The following MSR1 variants were observed in gnomAD, a reference collection of about 807,000 sequenced individuals.
The protein encoded by MSR1 is macrophage scavenger receptor 1, also known as macrophage scavenger receptor types I and II.
A neutral mutation model predicts 47.2 loss-of-function variants in MSR1; 53 were observed. The observed-to-expected ratio is 1.12, with a 90% confidence interval of 0.90 to 1.41. MSR1 has a LOEUF of 1.41. Ranked by LOEUF, MSR1 falls within the 40% of genes most tolerant of loss-of-function variation. MSR1 has a pLI of 0.00. For synonymous variants in MSR1, 239 were observed against 185.6 expected, an observed-to-expected ratio of 1.29 and a Z score of -2.34; for missense variants, 786 against 546.9, an observed-to-expected ratio of 1.44 and a Z score of -4.36.
chr8:16,184,238 C>A (rs1465084196), intron 1 of MSR1, among the ~76,000 whole-genome samples: 2 of 151,836 alleles, frequency 1.3e-5, no homozygotes, highest in East Asian at 1.9e-4. Flanking sequence ...TTCACATAAC[C>A]TTTTCAGCCT....
intron 1 of MSR1, among the ~76,000 whole-genome samples, chr8:16,189,117 T>C (rs1269064585): frequency 3.4e-5 from 5 of 145,936 alleles, no homozygotes; most frequent in East Asian, 2.0e-4. Context: ...ATATTTCATA[T>C]ATACGCAAAA....
intron 1 of MSR1, among the ~76,000 whole-genome samples, chr8:16,185,257 G>A (rs917509544): frequency 6.6e-6 from 1 of 151,888 alleles, no homozygotes; most frequent in African/African-American, 2.4e-5. Flanking sequence ...CAGTCTCTCT[G>A]AGAATCTCAT....
chr8:16,109,564 T>G lies in MSR1; in HGVS notation c.*521A>C, dbSNP rs1486718536. 1.2e-5 allele frequency: 2 copies of G among 166,044 alleles called. No homozygotes were observed. Among genetic ancestry groups the G allele is most frequent in the African/African-American group, 4.8e-5 (2 of 41,500 alleles). The allele number at this position is 166,044 out of a possible 1,614,324, so 10.3% of individuals were successfully genotyped here. On this transcript the variant is annotated 3_prime_UTR_variant, in exon 10 of 10. Coordinates refer to ENST00000262101, the MANE Select transcript of MSR1 (RefSeq NM_138715.3). ...TAACATTGATATCTAATACACAAGT[T>G]ATTGCACATTGAGATATCTTAATAG...
chr8:16,124,527 T>C (rs1298955637), intron 8 of MSR1, among the ~76,000 whole-genome samples: 1 of 152,150 alleles, frequency 6.6e-6, no homozygotes, highest in African/African-American at 2.4e-5. Context: ...TTACTTTATA[T>C]ATAACTACTC....
In MSR1 at chr8:16,109,873, C is replaced by T; in HGVS notation, c.*212G>A. 1.7e-6 allele frequency: 1 copy of T among 605,280 alleles called. No individual in the cohort carries two copies. The highest frequency in any genetic ancestry group is 2.2e-5 in the South Asian group (1 of 46,452). The allele number at this position is 605,280 out of a possible 1,614,324, so 37.5% of individuals were successfully genotyped here. ...ATATAAGTCATTATATTAGAAAATT[C>T]CATTTAAAAACCTATAGAAGTTAAA... is the stretch of plus-strand genomic sequence containing the variant. On this transcript the variant is annotated 3_prime_UTR_variant, in exon 10 of 10. Transcript: ENST00000262101.
chr8:16,164,056 A>T lies in MSR1; in HGVS notation c.817+9T>A. ...TATCATTTTCTGGAGAAATGACAAGACATTTTACCTTGAATTAAAGTGATA... is the reference window on the plus strand; with the variant it reads ...TATCATTTTCTGGAGAAATGACAAGTCATTTTACCTTGAATTAAAGTGATA... On this transcript the variant is annotated intron_variant, in intron 5 of 9. Transcript: ENST00000262101. 1 of 1,597,796 alleles carries T rather than the reference A, an allele frequency of 6.3e-7. No homozygotes were observed. The highest frequency in any genetic ancestry group is 8.6e-7 in the Non-Finnish European group (1 of 1,168,556).
intron 8 of MSR1, among the ~76,000 whole-genome samples, chr8:16,130,882 T>G (rs187689990): frequency 1.2e-4 from 19 of 152,226 alleles, no homozygotes; most frequent in African/African-American, 4.1e-4. Flanking sequence ...AGTCTACCAA[T>G]GATGGGCATT....
intron 7 of MSR1, among the ~76,000 whole-genome samples, chr8:16,144,868 A>C (rs184285181): frequency 3.5e-4 from 54 of 152,146 alleles, no homozygotes; most frequent in Admixed American, 2.4e-3. Flanking sequence ...TTTATATGGT[A>C]CAATTATATA....
At chr8:16,190,285 T>C (rs1802161192) in intron 1 of MSR1, among the ~76,000 whole-genome samples, 1 of 152,190 alleles carries the variant, frequency 6.6e-6, no homozygotes, top group Non-Finnish European at 1.5e-5. Context: ...AGGAAAACTA[T>C]TTTGAACTTC....
At chr8:16,149,027 G>A (rs1375334623) in intron 7 of MSR1, among the ~76,000 whole-genome samples, 4 of 152,148 alleles carry the variant, frequency 2.6e-5, no homozygotes, top group African/African-American at 9.7e-5. Flanking sequence ...AGAGATTGTG[G>A]TGGGGAGGAA....
chr8:16,150,889 C>CACACACACACACGT (rs1563154085), intron 6 of MSR1, among the ~76,000 whole-genome samples: 5 of 130,950 alleles, frequency 3.8e-5, no homozygotes, highest in Admixed American at 1.7e-4. Context: ...CACACACATG[C>CACACACACACACGT]GATACACAGA....
intron 7 of MSR1, among the ~76,000 whole-genome samples, chr8:16,149,124 T>G (rs898740414): frequency 2.8e-4 from 42 of 152,280 alleles, no homozygotes; most frequent in African/African-American, 8.4e-4. Context: ...ATTATACATC[T>G]GCTGAAACAC....
At chr8:16,128,064 A>T (rs189880027) in intron 8 of MSR1, among the ~76,000 whole-genome samples, 5 of 152,188 alleles carry the variant, frequency 3.3e-5, no homozygotes, top group Admixed American at 3.3e-4. Flanking sequence ...AATTGTTCTC[A>T]TAACTATAAA....
At chr8:16,179,612 G>C (rs1801765095) in intron 1 of MSR1, among the ~76,000 whole-genome samples, 1 of 152,014 alleles carries the variant, frequency 6.6e-6, no homozygotes, top group East Asian at 1.9e-4. Flanking sequence ...GGGCACAGTG[G>C]CTCACGCCTG....
intron 8 of MSR1, among the ~76,000 whole-genome samples, chr8:16,130,479 A>T (rs943401680): frequency 6.6e-6 from 1 of 152,076 alleles, no homozygotes; most frequent in Non-Finnish European, 1.5e-5. Flanking sequence ...GATTTATTTC[A>T]TTTTTTAAAA....
intron 6 of MSR1, among the ~76,000 whole-genome samples, chr8:16,152,365 G>A (rs949590579): frequency 6.6e-6 from 1 of 152,044 alleles, no homozygotes; most frequent in African/African-American, 2.4e-5. Context: ...ATAGCCTATG[G>A]GAAGGGGCGG....
chr8:16,189,455 A>C (rs1802113104), intron 1 of MSR1, among the ~76,000 whole-genome samples: 1 of 38,640 alleles, frequency 2.6e-5, no homozygotes, highest in Non-Finnish European at 3.8e-5. Flanking sequence ...ATAAAATCTT[A>C]TTTTATATAT....
At chr8:16,135,989 G>A (rs188467987) in intron 8 of MSR1, among the ~76,000 whole-genome samples, 1 of 151,734 alleles carries the variant, frequency 6.6e-6, no homozygotes, top group Non-Finnish European at 1.5e-5. Context: ...TTATGGATGA[G>A]CAAAGAAAGG....
chr8:16,164,265 G>A lies in MSR1; in HGVS notation c.631-14C>T, dbSNP rs1008364170. 10 of 1,607,294 alleles carry A rather than the reference G, an allele frequency of 6.2e-6. No individual in the cohort carries two copies. In the African/African-American group the frequency reaches 6.7e-5, roughly 11 times the overall value. On this transcript the variant is annotated splice_polypyrimidine_tract_variant and intron_variant, in intron 4 of 9. Coordinates refer to ENST00000262101, the MANE Select transcript of MSR1 (RefSeq NM_138715.3). ...TTTACTGATTTCCTGTAAAACATAA[G>A]TGAGCATTCACAGCCTTTGTTACAT...
Sources: gnomAD v4.1 joint callset for allele counts (sites outside exome capture counted in the v4.1 genomes callset) on GRCh38, gnomAD v4.1.1 for gene constraint, MANE v1.5 for transcripts, NCBI Gene and HGNC (gene_info 2026-07-23, HGNC 2026-07-21) for gene names.